The following GALNS variants were observed in gnomAD, a reference collection of about 807,000 sequenced individuals.
GALNS encodes the protein N-acetylgalactosamine-6-sulfatase.
GALNS carries 65 observed loss-of-function variants against 65.9 expected under a neutral mutation model. That is an observed-to-expected ratio of 0.99 (90% CI 0.81 to 1.21). The LOEUF (loss-of-function observed/expected upper bound fraction) is 1.21. Ranked by LOEUF, GALNS falls within the 50% of genes most tolerant of loss-of-function variation. The pLI, the probability that GALNS is intolerant of heterozygous loss-of-function variation, is 0.00. For synonymous variants in GALNS, 346 were observed against 288.9 expected (o/e 1.20, Z -2.00); for missense variants, 776 against 700.7 (o/e 1.11, Z -1.21).
At chr16:88,843,242 C>T (rs1312072385) in intron 1 of GALNS, 21 of 1,284,384 alleles carry the variant, frequency 1.6e-5, no homozygotes, top group Middle Eastern at 2.1e-4. Context: ...TGTCTGTACA[C>T]GTCTAGATTT....
chr16:88,840,801 T>G, intron 4 of GALNS, 191 bp downstream of exon 4: 39 of 631,600 alleles, frequency 6.2e-5, no homozygotes, highest in East Asian at 8.5e-5. Flanking sequence ...CCTGGTGACC[T>G]GAGATCCTGC....
intron 1 of GALNS, among the ~76,000 whole-genome samples, chr16:88,848,477 C>G (rs957675551): frequency 6.7e-6 from 1 of 149,980 alleles, no homozygotes; most frequent in Non-Finnish European, 1.5e-5. Context: ...ACCAAAAATA[C>G]AAAAAATTAG....
intron 13 of GALNS, chr16:88,817,157 C>T (rs896761909): frequency 2.9e-5 from 29 of 985,342 alleles, no homozygotes; most frequent in Middle Eastern, 5.2e-4. Flanking sequence ...ATGGCTGGGC[C>T]GTCCACATGC....
At chr16:88,852,944 G>A (rs1967576057) in intron 1 of GALNS, among the ~76,000 whole-genome samples, 1 of 150,970 alleles carries the variant, frequency 6.6e-6, no homozygotes, top group African/African-American at 2.4e-5. Flanking sequence ...GACAGAGCCA[G>A]ACCTTGTCTC....
rs139616854 is a variant in GALNS, at chr16:88,855,103, A to G, written c.120+1655T>C. The G allele has an allele frequency of 1.2e-3, 544 of 472,566 alleles. 2 individuals carry two copies. Among genetic ancestry groups the G allele is most frequent in the African/African-American group, 9.7e-3 (487 of 50,046 alleles). The allele number at this position is 472,566 out of a possible 1,614,324, so 29.3% of individuals were successfully genotyped here. A position where few individuals can be genotyped will look rare whatever the true frequency, so the allele number is the denominator to read the frequency against. On this transcript the variant is annotated intron_variant, in intron 1 of 13. Coordinates refer to ENST00000268695, the MANE Select transcript of GALNS (RefSeq NM_000512.5). Reference sequence around the variant, plus strand: ...CAATTCCCTATTTACCGGGAGCCACATTAGAAAAGCAGAAGTAGGTGAAAT... The same window carrying G: ...CAATTCCCTATTTACCGGGAGCCACGTTAGAAAAGCAGAAGTAGGTGAAAT...
Position 88,837,537 on chromosome 16 carries a change from A to G in GALNS, c.566+85T>C, listed in dbSNP as rs1393492787. 10 of 1,414,012 alleles carry G rather than the reference A, an allele frequency of 7.1e-6. No individual in the cohort carries two copies. In the East Asian group the frequency reaches 9.2e-5, roughly 13 times the overall value. 87.6% of individuals were successfully genotyped at this position (1,414,012 alleles called of 1,614,324 possible). On this transcript the variant is annotated intron_variant, in intron 5 of 13. Coordinates refer to ENST00000268695, the MANE Select transcript of GALNS (RefSeq NM_000512.5). ...ACCAGCCCTCATGAGTGGCGACTTG[A>G]GCCCACCAGTGCTAGAGGCGGGGGG...
At chr16:88,829,815 C>T (rs577637587) in intron 9 of GALNS, among the ~76,000 whole-genome samples, 2 of 152,294 alleles carry the variant, frequency 1.3e-5, no homozygotes, top group African/African-American at 4.8e-5. Flanking sequence ...CCTTCAGGCG[C>T]GCGACCAGGC....
intron 10 of GALNS, among the ~76,000 whole-genome samples, chr16:88,825,383 G>A (rs112396025): frequency 0.043 from 5,609 of 129,308 alleles, 598 homozygotes; most frequent in African/African-American, 0.18. Flanking sequence ...GTGGCTGGGT[G>A]TCTGGGTGGC....
Position 88,839,980 on chromosome 16 carries a change from A to G in GALNS, c.422+1012T>C, listed in dbSNP as rs529251615. ...TGTTGGCACAGTACTCACGCGCTCCAGTGGCCCTCGGGGGCTGACTTCCGC... is the reference window on the plus strand; with the variant it reads ...TGTTGGCACAGTACTCACGCGCTCCGGTGGCCCTCGGGGGCTGACTTCCGC... On this transcript the variant is annotated intron_variant, in intron 4 of 13. Coordinates refer to ENST00000268695, the MANE Select transcript of GALNS (RefSeq NM_000512.5). Among the ~76,000 whole-genome samples, 3 of 152,324 alleles carry G rather than the reference A, an allele frequency of 2.0e-5. No individual in the cohort carries two copies. In the East Asian group the frequency reaches 5.8e-4, roughly 29 times the overall value.
In GALNS at chr16:88,818,064, G is replaced by C; in HGVS notation, c.1425C>G (p.His475Gln). Residue 475 changes from histidine (H) to glutamine (Q), a missense_variant, in exon 13 of 14, where the codon CAC (histidine) becomes CAG (glutamine). His to Gln is a conservative substitution (Grantham distance 24, BLOSUM62 0). Transcript: ENST00000268695. ...GCTGCGCGGGGACCAAGGCCTCCTG[G>C]TGCTGCTGGACGACCGAGGTGATCC... is the stretch of plus-strand genomic sequence containing the variant. ...LSRITSVVQQHQEALVPAQPQ... is the reference protein window; with the variant it reads ...LSRITSVVQQQQEALVPAQPQ... 6.3e-7 allele frequency: 1 copy of C among 1,577,986 alleles called. No individual in the cohort carries two copies. Among genetic ancestry groups the C allele is most frequent in the South Asian group, 1.2e-5 (1 of 86,708 alleles).
Position 88,837,610 on chromosome 16 carries a change from G to A in GALNS, c.566+12C>T. 1 of 1,612,048 alleles carries A rather than the reference G, an allele frequency of 6.2e-7. No homozygotes were observed. The highest frequency in any genetic ancestry group is 1.3e-5 in the African/African-American group (1 of 74,980). On this transcript the variant is annotated intron_variant, in intron 5 of 13. Coordinates refer to ENST00000268695, the MANE Select transcript of GALNS (RefSeq NM_000512.5). ...TCAGGACGTGGGAGGGGAAGGGGTG[G>A]GGCTCCATTACCTGCCAACCATCTC... is the stretch of plus-strand genomic sequence containing the variant.
intron 5 of GALNS, 124 bp from the exon 6 acceptor site, chr16:88,836,391 C>A: frequency 1.2e-6 from 1 of 807,114 alleles, no homozygotes; most frequent in Non-Finnish European, 2.1e-6. Context: ...CGTCATGGCT[C>A]ATGCCTGTAA....
At position 88,825,866 on chromosome 16, in the gene GALNS, A is replaced by G. The variant is rs566856820; in HGVS notation, c.1139+836T>C. Among the ~76,000 whole-genome samples, 13 of 152,254 alleles carry G rather than the reference A, an allele frequency of 8.5e-5. No individual in the cohort carries two copies. The South Asian group carries it at 2.7e-3, about 31-fold the overall frequency. On this transcript the variant is annotated intron_variant, in intron 10 of 13. Coordinates refer to ENST00000268695, the MANE Select transcript of GALNS (RefSeq NM_000512.5). ...CAAAACTCCCTCTACCCGGCCCCAGATAGCCGGAGGCGGCAGCTGCCTTGG... is the reference window on the plus strand; with the variant it reads ...CAAAACTCCCTCTACCCGGCCCCAGGTAGCCGGAGGCGGCAGCTGCCTTGG...
intron 13 of GALNS, chr16:88,817,354 C>G: frequency 1.0e-6 from 1 of 985,452 alleles, no homozygotes; most frequent in Non-Finnish European, 1.2e-6. Context: ...GGCCGTTTCT[C>G]TACTGGAGGT....
chr16:88,816,735 C>A (rs1388043243), intron 13 of GALNS: 2 of 985,450 alleles, frequency 2.0e-6, no homozygotes, highest in African/African-American at 3.5e-5. Flanking sequence ...TCCCACGGCA[C>A]GGCGGGCACC....
chr16:88,816,036 C>T (rs1041608293), intron 13 of GALNS: 5 of 985,286 alleles, frequency 5.1e-6, no homozygotes, highest in Admixed American at 6.1e-5. Context: ...GCTTCACACG[C>T]GTGTCTGTGC....
chr16:88,836,289 A>T, intron 5 of GALNS, 22 bp from the exon 6 acceptor site: 1 of 1,595,666 alleles, frequency 6.3e-7, no homozygotes, highest in Non-Finnish European at 8.6e-7. Context: ...ACAGATCCAG[A>T]CAGACTTCAG....
rs550749621 is a variant in GALNS, at chr16:88,853,114, G to A, written c.120+3644C>T. On this transcript the variant is annotated intron_variant, in intron 1 of 13. Coordinates refer to ENST00000268695, the MANE Select transcript of GALNS (RefSeq NM_000512.5). ...AGAAATACAAAAATTAGCTGGGCAC[G>A]GTGGTGGGAGCCTGTAGTCCCAGCT... Among the ~76,000 whole-genome samples, 15 of 152,064 alleles carry A rather than the reference G, an allele frequency of 9.9e-5. No homozygotes were observed. The South Asian group carries it at 1.7e-3, about 17-fold the overall frequency.
At chr16:88,846,777 C>T (rs1048877651) in intron 1 of GALNS, among the ~76,000 whole-genome samples, 3 of 151,918 alleles carry the variant, frequency 2.0e-5, no homozygotes, top group Non-Finnish European at 2.9e-5. Flanking sequence ...TCCTGACCTC[C>T]GGTGATCTGC....
Sources: allele counts gnomAD v4.1 joint callset (sites outside exome capture counted in the v4.1 genomes callset), GRCh38; gene constraint gnomAD v4.1.1; transcripts MANE v1.5; gene names NCBI Gene and HGNC (gene_info 2026-07-23, HGNC 2026-07-21).